FAM234B: variants seen among roughly 807,000 people sequenced by gnomAD.
FAM234B encodes family with sequence similarity 234 member B.
In FAM234B, 33 loss-of-function variants were observed where a neutral mutation model predicts 69.3. The ratio of observed to expected loss-of-function variants is 0.48; its 90% CI spans 0.36 to 0.64. The LOEUF (loss-of-function observed/expected upper bound fraction) is 0.64, where lower values mean the gene tolerates loss of function less well. Among genes scored for constraint, FAM234B ranks in the 30% least tolerant of loss-of-function variants. The pLI is 0.00. For synonymous variants in FAM234B, 306 were observed against 306.9 expected, an observed-to-expected ratio of 1.00 and a Z score of 0.03; for missense variants, 697 against 769.7, an observed-to-expected ratio of 0.91 and a Z score of 1.12.
At chr12:13,071,996 T>C (rs1049073666) in intron 10 of FAM234B, among the ~76,000 whole-genome samples, 3 of 152,214 alleles carry the variant, frequency 2.0e-5, no homozygotes, top group Admixed American at 1.3e-4. Context: ...TTTTAGGTAC[T>C]GGGGAGTTTT....
rs1156370153 is a variant in FAM234B at position 13,071,324 on chromosome 12, A to G, written c.1452A>G (p.Ser484=). Residue 484 remains serine, a synonymous_variant, in exon 10 of 13, where the codon TCA becomes TCG. Coordinates refer to ENST00000197268, the MANE Select transcript of FAM234B (RefSeq NM_020853.2). Reference sequence around the variant, plus strand: ...ACATGAAAGAAACGCCAGCCACCTCAGCAGTTACTTCAGACCAGAAGTCTG... The same window carrying G: ...ACATGAAAGAAACGCCAGCCACCTCGGCAGTTACTTCAGACCAGAAGTCTG... ...PCHMKETPAT[S]AVTSDQKSVF... is the part of the protein sequence containing the mutation. The G allele has an allele frequency of 9.3e-6, 15 of 1,614,042 alleles. No individual in the cohort carries two copies. The highest frequency in any genetic ancestry group is 1.3e-5 in the Non-Finnish European group (15 of 1,180,018).
rs1164518406 is a variant in FAM234B, at chr12:13,076,141, A to T, written c.1640A>T (p.Glu547Val). 1 of 1,607,816 alleles carries T rather than the reference A, an allele frequency of 6.2e-7. No individual in the cohort carries two copies. The highest frequency in any genetic ancestry group is 1.7e-5 in the Admixed American group (1 of 60,010). The change falls in exon 11 of 13, where the codon GAG (glutamate) becomes GTG (valine). Residue 547 changes from glutamate to valine, a missense_variant and splice_region_variant. Coordinates refer to ENST00000197268, the MANE Select transcript of FAM234B (RefSeq NM_020853.2). ...ANTTGTVTAS[E>V]VGINDLWKDA... is the part of the protein sequence containing the mutation. The stretch of plus-strand genomic sequence containing the variant: ...ACCACCGGCACAGTGACGGCTTCAG[A>T]GGGTGAGTCCCAGTGCCAGCGGGAG...
At chr12:13,058,365 C>A in intron 2 of FAM234B, 86 bp from the exon 3 acceptor site, 2 of 1,017,054 alleles carry the variant, frequency 2.0e-6, no homozygotes, top group Non-Finnish European at 3.1e-6. Flanking sequence ...CTGGAGTCTG[C>A]CTGGTGTTTA....
chr12:13,062,251 C>G (rs1203097705), intron 4 of FAM234B: 1 of 157,500 alleles, frequency 6.3e-6, no homozygotes, highest in Non-Finnish European at 1.4e-5. Flanking sequence ...CCTGAAGGCT[C>G]TTATAGAATC....
At chr12:13,068,201 G>T in intron 7 of FAM234B, 103 bp from the exon 8 acceptor site, 1 of 1,096,396 alleles carries the variant, frequency 9.1e-7, no homozygotes, top group Non-Finnish European at 1.4e-6. Flanking sequence ...ATGAATACAA[G>T]AGTGTGTACA....
Position 13,081,116 on chromosome 12 carries a change from A to T in FAM234B, c.*486A>T. 1 of 152,956 alleles carries T rather than the reference A, an allele frequency of 6.5e-6. No individual in the cohort carries two copies. Among genetic ancestry groups the T allele is most frequent in the East Asian group, 1.9e-4 (1 of 5,198 alleles). The allele number at this position is 152,956 out of a possible 1,614,324, so 9.5% of individuals were successfully genotyped here. On this transcript the variant is annotated 3_prime_UTR_variant, in exon 13 of 13. Transcript: ENST00000197268. ...TGTTTGGTCATTTTGAGACTTCCAG[A>T]TGCCCTACCTCTGATGTTGAGGGCC...
At chr12:13,049,536 A>G (rs1864852450) in intron 1 of FAM234B, among the ~76,000 whole-genome samples, 3 of 152,236 alleles carry the variant, frequency 2.0e-5, no homozygotes, top group South Asian at 4.1e-4. Flanking sequence ...CAGAACTGCC[A>G]GCTGTAGTTA....
chr12:13,061,680 A>C lies in FAM234B; in HGVS notation c.638A>C (p.Glu213Ala). The change falls in exon 4 of 13, where the codon GAG (glutamate) becomes GCG (alanine). Residue 213 changes from glutamate (E) to alanine (A), a missense_variant. This residue lies in a region of FAM234B where 380 missense variants were observed against 447.1 expected (regional missense o/e 0.85). Transcript: ENST00000197268. The stretch of plus-strand genomic sequence containing the variant: ...GAGGCTCGAGATATCACATGTTTGG[A>C]GCTGATGCCAGGAAGCTTGGCTGAA... ...PEEARDITCL[E>A]LMPGSLAETI... 1 of 1,614,062 alleles carries C rather than the reference A, an allele frequency of 6.2e-7. No individual in the cohort carries two copies. Among genetic ancestry groups the C allele is most frequent in the Non-Finnish European group, 8.5e-7 (1 of 1,180,018 alleles).
chr12:13,067,123 A>T lies in FAM234B; in HGVS notation c.1001-32A>T, dbSNP rs192666585. 3.5e-5 allele frequency: 57 copies of T among 1,613,182 alleles called. No individual in the cohort carries two copies. The highest frequency in any genetic ancestry group is 3.4e-5 in the Non-Finnish European group (40 of 1,179,474). On this transcript the variant is annotated intron_variant, in intron 6 of 12. Coordinates refer to ENST00000197268, the MANE Select transcript of FAM234B (RefSeq NM_020853.2). The surrounding 1 kb of genome is among the most constrained non-coding windows in gnomAD (Gnocchi z 4.7). ...CCATGGGACAGTTCTGTTAAATTCA[A>T]CTTCTCAGTGTTGGTTCTTCTGTGG...
chr12:13,065,577 A>G (rs971730607), intron 5 of FAM234B, among the ~76,000 whole-genome samples: 23 of 152,198 alleles, frequency 1.5e-4, no homozygotes, highest in African/African-American at 5.3e-4. Flanking sequence ...ATGATTAATT[A>G]TTAATAGACC....
Position 13,044,383 on chromosome 12 carries a change from A to C in FAM234B, c.-21A>C. ...TTCCCGGCAGAACGCGGGCGCGCGC[A>C]CGCGCACCGGGGCCTCAGCCATGGC... is the stretch of plus-strand genomic sequence containing the variant. On this transcript the variant is annotated 5_prime_UTR_variant, in exon 1 of 13. Coordinates refer to ENST00000197268, the MANE Select transcript of FAM234B (RefSeq NM_020853.2). The surrounding 1 kb of genome is among the most constrained non-coding windows in gnomAD (Gnocchi z 5.6). The C allele has an allele frequency of 6.5e-7, 1 of 1,549,928 alleles. No homozygotes were observed. The highest frequency in any genetic ancestry group is 8.7e-7 in the Non-Finnish European group (1 of 1,146,832).
At chr12:13,068,929 A>T (rs1865071255) in intron 9 of FAM234B, among the ~76,000 whole-genome samples, 1 of 152,088 alleles carries the variant, frequency 6.6e-6, no homozygotes, top group African/African-American at 2.4e-5. Flanking sequence ...CTTCCTATGT[A>T]GGAGTTTCTT....
chr12:13,053,902 A>G (rs1178061173), intron 1 of FAM234B, among the ~76,000 whole-genome samples: 1 of 152,134 alleles, frequency 6.6e-6, no homozygotes, highest in Non-Finnish European at 1.5e-5. Context: ...TTCCTTCCCC[A>G]GGGTATTCCT....
intron 2 of FAM234B, 151 bp downstream of exon 2, chr12:13,056,097 A>G (rs1300911999): frequency 2.6e-6 from 2 of 770,378 alleles, no homozygotes; most frequent in African/African-American, 1.8e-5. Flanking sequence ...CAAGGAGATT[A>G]AGATTTGAAA....
chr12:13,070,353 G>A (rs1341176528), intron 9 of FAM234B, among the ~76,000 whole-genome samples: 1 of 151,880 alleles, frequency 6.6e-6, no homozygotes, highest in East Asian at 1.9e-4. Flanking sequence ...TGTCTCTGCC[G>A]GGTTGGTTCC....
At position 13,071,228 on chromosome 12, in the gene FAM234B, T is replaced by A. The variant is rs1310749006; in HGVS notation, c.1369-13T>A. 1 of 1,613,980 alleles carries A rather than the reference T, an allele frequency of 6.2e-7. No individual in the cohort carries two copies. The highest frequency in any genetic ancestry group is 2.2e-5 in the East Asian group (1 of 44,882). On this transcript the variant is annotated splice_polypyrimidine_tract_variant and intron_variant, in intron 9 of 12. Coordinates refer to ENST00000197268, the MANE Select transcript of FAM234B (RefSeq NM_020853.2). ...GGCCTGGCCATGTTTACTGTCTGTC[T>A]TCTCTTTTGTAGATGATGGTTGTGG...
intron 11 of FAM234B, among the ~76,000 whole-genome samples, chr12:13,079,102 A>G (rs1345098376): frequency 1.3e-5 from 2 of 152,190 alleles, no homozygotes; most frequent in Non-Finnish European, 2.9e-5. Flanking sequence ...AGCCAAAAGA[A>G]CAAAGCTGGA....
At chr12:13,068,169 C>T (rs1865060931) in intron 7 of FAM234B, 135 bp from the exon 8 acceptor site, 2 of 824,904 alleles carry the variant, frequency 2.4e-6, no homozygotes, top group African/African-American at 3.4e-5. Flanking sequence ...GTACATCCCA[C>T]TTGATGAGAT....
chr12:13,056,058 ACC>A (rs1591596918), intron 2 of FAM234B, 112 bp downstream of exon 2: 1 of 1,130,270 alleles, frequency 8.8e-7, no homozygotes, highest in East Asian at 2.7e-5. Context: ...GGCATTCCCC[ACC>A]CTGCCGTCCC....
Sources: gnomAD v4.1 joint callset for allele counts (sites outside exome capture counted in the v4.1 genomes callset) on GRCh38, gnomAD v4.1.1 for gene constraint, gnomAD v4.1.1 regional missense constraint, Gnocchi (gnomAD v3.1) non-coding constraint, MANE v1.5 for transcripts, NCBI Gene and HGNC (gene_info 2026-07-23, HGNC 2026-07-21) for gene names.